DNER: variants seen among roughly 807,000 people sequenced by gnomAD.
DNER encodes delta/notch like EGF repeat containing.
DNER carries 33 observed loss-of-function variants against 78.2 expected under a neutral mutation model. The ratio of observed to expected loss-of-function variants is 0.42; its 90% CI spans 0.32 to 0.56. The LOEUF is 0.56. Ranked by LOEUF, DNER falls within the 20% of genes least tolerant of loss-of-function variation. The probability of loss-of-function intolerance (pLI) is 0.11; values close to 1 mark genes in which losing one functional copy is unlikely to be tolerated. For synonymous variants in DNER, 417 were observed against 384.8 expected (o/e 1.08, Z -0.98); for missense variants, 918 against 975.3 (o/e 0.94, Z 0.78).
chr2:229,428,523 T>C (rs1466432547), intron 8 of DNER, among the ~76,000 whole-genome samples: 1 of 152,116 alleles, frequency 6.6e-6, no homozygotes, highest in Non-Finnish European at 1.5e-5. Flanking sequence ...CAATTTCTCT[T>C]CTAGGCACTT....
In DNER at chr2:229,583,542, C is replaced by T. The variant is rs564731752; in HGVS notation, c.847+2316G>A. 1.6e-4 allele frequency among the ~76,000 whole-genome samples: 24 copies of T among 152,266 alleles called. No individual in the cohort carries two copies. In the South Asian group the frequency reaches 4.3e-3, roughly 28 times the overall value. ...GTCAAAAGTCATTAAGTGGAACCAGCGTAGGTCAGAGACTGTCTGAATGCT... is the reference window on the plus strand; with the variant it reads ...GTCAAAAGTCATTAAGTGGAACCAGTGTAGGTCAGAGACTGTCTGAATGCT... On this transcript the variant is annotated intron_variant, in intron 4 of 12. Coordinates refer to ENST00000341772, the MANE Select transcript of DNER (RefSeq NM_139072.4).
At chr2:229,576,066 T>C (rs1390239608) in intron 4 of DNER, among the ~76,000 whole-genome samples, 2 of 152,114 alleles carry the variant, frequency 1.3e-5, no homozygotes, top group African/African-American at 4.8e-5. Context: ...AACATTCCAA[T>C]GGTTCTCCCC....
chr2:229,553,263 T>C (rs1293177928), intron 4 of DNER, among the ~76,000 whole-genome samples: 3 of 152,310 alleles, frequency 2.0e-5, no homozygotes, highest in Middle Eastern at 6.8e-3. Context: ...CTGCTTCCAG[T>C]AGCTGTGGTC....
At chr2:229,531,255 T>G (rs10180235) in intron 5 of DNER, among the ~76,000 whole-genome samples, 6,457 of 152,224 alleles carry the variant, frequency 0.042, 444 homozygotes, top group African/African-American at 0.15. Context: ...CTGCTCTCAA[T>G]CAACTCAACG....
chr2:229,599,155 C>G (rs114823573), intron 1 of DNER, among the ~76,000 whole-genome samples: 2,158 of 152,098 alleles, frequency 0.014, 45 homozygotes, highest in Middle Eastern at 0.048. Context: ...AGAGGGGACA[C>G]AGGGGACTCG....
At chr2:229,499,927 CTTTCT>C (rs201434891) in intron 6 of DNER, among the ~76,000 whole-genome samples, 31 of 72,158 alleles carry the variant, frequency 4.3e-4, no homozygotes, top group South Asian at 1.7e-3. Flanking sequence ...AATAGACTTT[CTTTCT>C]TTTTTTTTTT....
At chr2:229,652,536 A>C (rs774533708) in intron 1 of DNER, among the ~76,000 whole-genome samples, 4 of 152,196 alleles carry the variant, frequency 2.6e-5, no homozygotes, top group Non-Finnish European at 4.4e-5. Context: ...GTGGAAGAAA[A>C]GAAGAGCAGT....
rs1197066778 is a variant in DNER, at chr2:229,512,856, G to A, written c.1074C>T (p.Cys358=). The change falls in exon 6 of 13, where the codon TGC becomes TGT. Residue 358 remains cysteine, a synonymous_variant. Coordinates refer to ENST00000341772, the MANE Select transcript of DNER (RefSeq NM_139072.4). The part of the protein sequence containing the change: ...EEYDACQRKP[C]QNNASCIDAN... The stretch of plus-strand genomic sequence containing the variant: ...CATCAATACAGCTCGCGTTGTTTTG[G>A]CAAGGTTTCCTCTGGCAAGCATCGT... 2 of 1,614,128 alleles carry A rather than the reference G, an allele frequency of 1.2e-6. No homozygotes were observed. The highest frequency in any genetic ancestry group is 1.3e-5 in the African/African-American group (1 of 75,028).
At chr2:229,600,065 G>T (rs1325563068) in intron 1 of DNER, among the ~76,000 whole-genome samples, 1 of 152,188 alleles carries the variant, frequency 6.6e-6, no homozygotes, top group Non-Finnish European at 1.5e-5. Flanking sequence ...AAACTCTAAA[G>T]GTGAAGCCTA....
At chr2:229,552,820 T>C (rs944097892) in intron 4 of DNER, among the ~76,000 whole-genome samples, 2 of 152,164 alleles carry the variant, frequency 1.3e-5, no homozygotes, top group Non-Finnish European at 2.9e-5. Context: ...TATACTGTTT[T>C]GTGTGGCTTT....
rs1430250156 is a variant in DNER, at chr2:229,588,513, A to G, written c.586-25T>C. On this transcript the variant is annotated intron_variant, in intron 2 of 12. Transcript: ENST00000341772. Reference sequence around the variant, plus strand: ...CCTGGGAAGGGAAAAAAAAAACGACATATGATTGGGGTTGTTTATAGTATA... The same window carrying G: ...CCTGGGAAGGGAAAAAAAAAACGACGTATGATTGGGGTTGTTTATAGTATA... 6 of 1,565,610 alleles carry G rather than the reference A, an allele frequency of 3.8e-6. No individual in the cohort carries two copies. In the South Asian group the frequency reaches 6.7e-5, roughly 17 times the overall value.
At chr2:229,659,414 C>A (rs927995091) in intron 1 of DNER, among the ~76,000 whole-genome samples, 1 of 152,134 alleles carries the variant, frequency 6.6e-6, no homozygotes, top group African/African-American at 2.4e-5. Context: ...TTATATAGGA[C>A]AAAACCATTT....
At chr2:229,410,346 C>T (rs1693483667) in intron 9 of DNER, among the ~76,000 whole-genome samples, 1 of 152,168 alleles carries the variant, frequency 6.6e-6, no homozygotes, top group Non-Finnish European at 1.5e-5. Flanking sequence ...GAGCAGAGGC[C>T]GTATCATAAT....
At chr2:229,376,870 A>C (rs1692615527) in intron 11 of DNER, among the ~76,000 whole-genome samples, 2 of 152,262 alleles carry the variant, frequency 1.3e-5, no homozygotes, top group Admixed American at 1.3e-4. Context: ...GGTTTATACA[A>C]AAATGAGAAC....
intron 6 of DNER, among the ~76,000 whole-genome samples, chr2:229,506,621 T>A (rs1695751282): frequency 1.3e-5 from 2 of 151,810 alleles, no homozygotes; most frequent in South Asian, 4.2e-4. Context: ...CTGTACCCAG[T>A]AACTCATCAT....
intron 1 of DNER, among the ~76,000 whole-genome samples, chr2:229,616,146 T>C (rs1698158482): frequency 6.6e-6 from 1 of 152,232 alleles, no homozygotes; most frequent in Non-Finnish European, 1.5e-5. Context: ...AGCTAGTTGG[T>C]TGCTCATAGG....
At chr2:229,707,265 C>A (rs1699844451) in intron 1 of DNER, among the ~76,000 whole-genome samples, 1 of 148,552 alleles carries the variant, frequency 6.7e-6, no homozygotes, top group African/African-American at 2.5e-5. Context: ...GAACTCTTGA[C>A]CTCAGGTGAT....
At chr2:229,371,491 C>A (rs767939430) in intron 11 of DNER, among the ~76,000 whole-genome samples, 1 of 152,200 alleles carries the variant, frequency 6.6e-6, no homozygotes, top group Non-Finnish European at 1.5e-5. Flanking sequence ...GTGAGTCTGA[C>A]AGATCATTTT....
At chr2:229,528,385 T>A (rs1350254345) in intron 5 of DNER, among the ~76,000 whole-genome samples, 2 of 152,248 alleles carry the variant, frequency 1.3e-5, no homozygotes, top group Admixed American at 1.3e-4. Context: ...ACCTTTGTGA[T>A]CTTATTTCAA....
Sources: gnomAD v4.1 joint callset for allele counts (sites outside exome capture counted in the v4.1 genomes callset) on GRCh38, gnomAD v4.1.1 for gene constraint, MANE v1.5 for transcripts, NCBI Gene and HGNC (gene_info 2026-07-23, HGNC 2026-07-21) for gene names.